THEM4: variants seen among roughly 807,000 people sequenced by gnomAD.
THEM4 encodes acyl-coenzyme A thioesterase THEM4.
In THEM4, 22 loss-of-function variants were observed where a neutral mutation model predicts 25.0. The observed-to-expected ratio is 0.88, with a 90% CI of 0.63 to 1.26. THEM4 has a LOEUF of 1.26. THEM4 is among the 50% of genes most tolerant of loss of function. The pLI, the probability that THEM4 is intolerant of heterozygous loss-of-function variation, is 0.00. For missense variants in THEM4, 286 were observed against 300.3 expected (o/e 0.95, Z 0.35); for synonymous variants, 113 against 105.6 (o/e 1.07, Z -0.43).
rs1406374758 is a variant in THEM4 at position 151,874,272 on chromosome 1, T to C, written c.*616A>G. On this transcript the variant is annotated 3_prime_UTR_variant, in exon 6 of 6. Coordinates refer to ENST00000368814, the MANE Select transcript of THEM4 (RefSeq NM_053055.5). ...TGTATTTATTCTTCATGCTTGGTTTTCTAGCATTTTCAAGTTTGCAGTAAA... is the reference window on the plus strand; with the variant it reads ...TGTATTTATTCTTCATGCTTGGTTTCCTAGCATTTTCAAGTTTGCAGTAAA... The C allele has an allele frequency of 1.3e-5, 2 of 152,382 alleles. No individual in the cohort carries two copies. The highest frequency in any genetic ancestry group is 6.5e-5 in the Admixed American group (1 of 15,302). 9.4% of individuals were successfully genotyped at this position (152,382 alleles called of 1,614,324 possible).
At chr1:151,900,540 T>C (rs1251702012) in intron 1 of THEM4, among the ~76,000 whole-genome samples, 1 of 152,038 alleles carries the variant, frequency 6.6e-6, no homozygotes, top group Non-Finnish European at 1.5e-5. Context: ...TATTCTTACA[T>C]CAGACAAAAC....
chr1:151,896,977 C>G (rs1415953576), intron 1 of THEM4, among the ~76,000 whole-genome samples: 2 of 152,232 alleles, frequency 1.3e-5, no homozygotes, highest in East Asian at 3.9e-4. Context: ...TCACAGTAAC[C>G]ACAACTTCCA....
chr1:151,905,272 C>G (rs1407516925), intron 1 of THEM4, among the ~76,000 whole-genome samples: 2 of 152,152 alleles, frequency 1.3e-5, no homozygotes, highest in Admixed American at 1.3e-4. Context: ...GGAGCAGCTC[C>G]CTCTTCCTCT....
chr1:151,876,897 C>T, intron 5 of THEM4, 104 bp downstream of exon 5: 5 of 1,376,128 alleles, frequency 3.6e-6, no homozygotes, highest in South Asian at 1.7e-5. Context: ...ACCAAAACAC[C>T]CCCCTGACCC....
intron 1 of THEM4, among the ~76,000 whole-genome samples, chr1:151,902,652 A>G (rs1654375608): frequency 6.6e-6 from 1 of 152,208 alleles, no homozygotes. Context: ...TTATGGAAAA[A>G]TAAAATTAAA....
At chr1:151,886,588 G>A (rs1263681148) in intron 4 of THEM4, among the ~76,000 whole-genome samples, 1 of 151,928 alleles carries the variant, frequency 6.6e-6, no homozygotes, top group East Asian at 1.9e-4. Flanking sequence ...CTAATTTATA[G>A]TTATAACTAA....
At chr1:151,885,402 A>G (rs1220093429) in intron 4 of THEM4, among the ~76,000 whole-genome samples, 1 of 152,280 alleles carries the variant, frequency 6.6e-6, no homozygotes, top group Non-Finnish European at 1.5e-5. Flanking sequence ...TACAGGCGTG[A>G]GCCACTGTGC....
chr1:151,906,385 C>T (rs573562946), intron 1 of THEM4, among the ~76,000 whole-genome samples: 4 of 152,254 alleles, frequency 2.6e-5, no homozygotes, highest in Non-Finnish European at 4.4e-5. Flanking sequence ...GGGCAGGGCT[C>T]GGGACCTGCA....
At chr1:151,907,878 G>C (rs1454273907) in intron 1 of THEM4, among the ~76,000 whole-genome samples, 1 of 152,220 alleles carries the variant, frequency 6.6e-6, no homozygotes, top group Non-Finnish European at 1.5e-5. Flanking sequence ...TGGGGTGCAT[G>C]GTGGTGTCTG....
intron 5 of THEM4, among the ~76,000 whole-genome samples, chr1:151,875,511 T>G (rs989192389): frequency 6.6e-6 from 1 of 152,178 alleles, no homozygotes; most frequent in African/African-American, 2.4e-5. Context: ...TAAGGAGGTA[T>G]GTGCAACTTA....
At chr1:151,892,037 C>G (rs1399268226) in intron 2 of THEM4, among the ~76,000 whole-genome samples, 2 of 152,062 alleles carry the variant, frequency 1.3e-5, no homozygotes, top group South Asian at 2.1e-4. Context: ...TGATCTGCCA[C>G]TTTGGCCTCC....
chr1:151,878,701 A>G (rs1653740654), intron 4 of THEM4, among the ~76,000 whole-genome samples: 1 of 152,314 alleles, frequency 6.6e-6, no homozygotes, highest in East Asian at 1.9e-4. Flanking sequence ...ATACAGTGTA[A>G]TTTTCTAAAT....
intron 1 of THEM4, among the ~76,000 whole-genome samples, chr1:151,901,097 T>C (rs1004542666): frequency 6.6e-6 from 1 of 152,252 alleles, no homozygotes. Flanking sequence ...GAAACAATGT[T>C]TATCACTGGC....
chr1:151,874,580 GC>G lies in THEM4; in HGVS notation c.*307del. 1 of 410,012 alleles carries G rather than the reference GC, an allele frequency of 2.4e-6. No homozygotes were observed. Among genetic ancestry groups the G allele is most frequent in the South Asian group, 3.5e-5 (1 of 28,586 alleles). The allele number at this position is 410,012 out of a possible 1,614,324, so 25.4% of individuals were successfully genotyped here. On this transcript the variant is annotated 3_prime_UTR_variant, in exon 6 of 6. Coordinates refer to ENST00000368814, the MANE Select transcript of THEM4 (RefSeq NM_053055.5). ...AGTAGAGACGGAGTTTCATCGTGTT[GC>G]CCAGACTGATCTTGAACTCCTGAGC...
chr1:151,889,520 G>A, intron 2 of THEM4, 147 bp from the exon 3 acceptor site: 1 of 697,528 alleles, frequency 1.4e-6, no homozygotes, highest in Non-Finnish European at 2.3e-6. Flanking sequence ...AGGAATGGGA[G>A]CGTCTCAATG....
intron 1 of THEM4, among the ~76,000 whole-genome samples, chr1:151,901,987 C>T (rs1654363093): frequency 6.6e-6 from 1 of 152,204 alleles, no homozygotes; most frequent in South Asian, 2.1e-4. Flanking sequence ...CTCTGGGATA[C>T]AGCTAAGGCA....
intron 1 of THEM4, among the ~76,000 whole-genome samples, chr1:151,908,138 A>G (rs1654514146): frequency 6.6e-6 from 1 of 152,220 alleles, no homozygotes; most frequent in South Asian, 2.1e-4. Flanking sequence ...ACCCATCAGC[A>G]GTATACTTTT....
At position 151,898,057 on chromosome 1, in the gene THEM4, T is replaced by C. The variant is rs528262856; in HGVS notation, c.100-2863A>G. Among the ~76,000 whole-genome samples, 414 of 152,192 alleles carry C rather than the reference T, an allele frequency of 2.7e-3. 2 individuals are homozygous for C. The highest frequency in any genetic ancestry group is 9.7e-3 in the African/African-American group (404 of 41,520). On this transcript the variant is annotated intron_variant, in intron 1 of 5. Coordinates refer to ENST00000368814, the MANE Select transcript of THEM4 (RefSeq NM_053055.5). ...GGAGAAGAAATTCTGCGGCTGAACT[T>C]TGTAACAGTTTGAACTGGGGAGAAG...
Position 151,871,111 on chromosome 1 carries a change from G to A in THEM4, c.*3777C>T, listed in dbSNP as rs2101711211. On this transcript the variant is annotated 3_prime_UTR_variant, in exon 6 of 6. Transcript: ENST00000368814. ...AGGCTGAGGTGGGCAGATCACTTGA[G>A]CCCAGGAGTTTGAGACCAGACTGGG... Among the ~76,000 whole-genome samples the A allele has an allele frequency of 6.6e-6, 1 of 152,258 alleles. No individual in the cohort carries two copies. Among genetic ancestry groups the A allele is most frequent in the South Asian group, 2.1e-4 (1 of 4,824 alleles).
Sources: allele counts gnomAD v4.1 joint callset (sites outside exome capture counted in the v4.1 genomes callset), GRCh38; gene constraint gnomAD v4.1.1; transcripts MANE v1.5; gene names NCBI Gene and HGNC (gene_info 2026-07-23, HGNC 2026-07-21).